Variants in ARK2C observed in about 807,000 individuals in gnomAD.
ARK2C encodes the protein arkadia (RNF111) C-terminal like ring finger ubiquitin ligase 2C, also known as E3 ubiquitin-protein ligase ARK2C.
chr18:46,399,361 C>T, the ARK2C span, among the ~76,000 whole-genome samples: 5 of 152,118 alleles, frequency 3.3e-5, no homozygotes, highest in African/African-American at 9.7e-5. Flanking sequence ...GGTGCTGGCC[C>T]CTTCCCTCCA....
chr18:46,415,387 G>A, the ARK2C span, among the ~76,000 whole-genome samples: 1 of 152,016 alleles, frequency 6.6e-6, no homozygotes, highest in Non-Finnish European at 1.5e-5. Flanking sequence ...ATATTTATAG[G>A]CAGTGGTGGG....
At chr18:46,449,534 C>T in the ARK2C span, among the ~76,000 whole-genome samples, 2 of 152,104 alleles carry the variant, frequency 1.3e-5, no homozygotes, top group African/African-American at 4.8e-5. Context: ...TGTATCCCCA[C>T]CCAAATCTCA....
the ARK2C span, among the ~76,000 whole-genome samples, chr18:46,380,614 C>G: frequency 1.3e-5 from 2 of 152,082 alleles, no homozygotes; most frequent in Non-Finnish European, 2.9e-5. Context: ...CTGAGCTGGT[C>G]GCTGGGAGGC....
chr18:46,437,035 A>G, the ARK2C span, among the ~76,000 whole-genome samples: 1 of 152,180 alleles, frequency 6.6e-6, no homozygotes, highest in Non-Finnish European at 1.5e-5. Context: ...AGCTTTCTTT[A>G]TAGAGCCAAA....
chr18:46,453,447 C>T, the ARK2C span, among the ~76,000 whole-genome samples: 1 of 151,676 alleles, frequency 6.6e-6, no homozygotes, highest in East Asian at 1.9e-4. Context: ...AGAACCAATG[C>T]TAAGAATTAA....
the ARK2C span, among the ~76,000 whole-genome samples, chr18:46,439,526 C>T: frequency 2.6e-5 from 4 of 152,292 alleles, no homozygotes; most frequent in African/African-American, 7.2e-5. Flanking sequence ...GTCCTAATTA[C>T]CAGGGACCAC....
At chr18:46,426,618 C>T in the ARK2C span, among the ~76,000 whole-genome samples, 1 of 152,218 alleles carries the variant, frequency 6.6e-6, no homozygotes, top group Non-Finnish European at 1.5e-5. Flanking sequence ...CTCAGGTGTG[C>T]TCACTGTCCT....
the ARK2C span, chr18:46,457,629 C>G: frequency 2.0e-5 from 3 of 152,676 alleles, no homozygotes; most frequent in Admixed American, 1.3e-4. Context: ...CAATGTGTTC[C>G]TGGGAGCCGA....
chr18:46,409,569 C>T, the ARK2C span, among the ~76,000 whole-genome samples: 4 of 151,744 alleles, frequency 2.6e-5, no homozygotes, highest in Admixed American at 6.6e-5. Flanking sequence ...GGGCTCCTGG[C>T]CACATCTAAC....
At chr18:46,375,102 T>TATCTGC in the ARK2C span, among the ~76,000 whole-genome samples, 1 of 152,174 alleles carries the variant, frequency 6.6e-6, no homozygotes, top group African/African-American at 2.4e-5. Flanking sequence ...AGGCAGGCTT[T>TATCTGC]ATCTGCATCT....
the ARK2C span, chr18:46,447,842 C>CTGTG: frequency 1.1e-6 from 1 of 892,364 alleles, no homozygotes; most frequent in Non-Finnish European, 1.8e-6. Context: ...CCCAGCTCAC[C>CTGTG]TGTGTATCAA....
At chr18:46,396,679 C>G in the ARK2C span, among the ~76,000 whole-genome samples, 7 of 152,220 alleles carry the variant, frequency 4.6e-5, no homozygotes, top group Non-Finnish European at 1.0e-4. Flanking sequence ...ACTTCTCGGC[C>G]TGGCTGTCGG....
chr18:46,354,229 C>G, the ARK2C span, among the ~76,000 whole-genome samples: 1 of 152,212 alleles, frequency 6.6e-6, no homozygotes. Context: ...CAGGGGACAC[C>G]TCTTGAAGGA....
chr18:46,375,066 G>A, the ARK2C span, among the ~76,000 whole-genome samples: 2 of 152,114 alleles, frequency 1.3e-5, no homozygotes, highest in African/African-American at 4.8e-5. Context: ...CGGAGGATTT[G>A]GGGTTTCTCC....
At chr18:46,456,638 G>A in the ARK2C span, 2 of 1,602,302 alleles carry the variant, frequency 1.2e-6, no homozygotes, top group African/African-American at 1.3e-5. Flanking sequence ...GACAGCTGAG[G>A]GAGGAATTAG....
chr18:46,347,461 T>A, the ARK2C span, among the ~76,000 whole-genome samples: 19 of 151,992 alleles, frequency 1.3e-4, no homozygotes, highest in Admixed American at 2.6e-4. Flanking sequence ...GGAAAGAGAG[T>A]CACGTGGAGG....
chr18:46,409,168 C>T, the ARK2C span, among the ~76,000 whole-genome samples: 34 of 152,222 alleles, frequency 2.2e-4, no homozygotes, highest in South Asian at 4.8e-3. Context: ...CCTTCAAGAT[C>T]AGGAAAAGAA....
the ARK2C span, among the ~76,000 whole-genome samples, chr18:46,449,420 C>T: frequency 6.6e-6 from 1 of 152,114 alleles, no homozygotes; most frequent in Non-Finnish European, 1.5e-5. Flanking sequence ...TTTGGTGGCC[C>T]TTTAAATTTT....
chr18:46,399,734 A>T, the ARK2C span, among the ~76,000 whole-genome samples: 4 of 152,118 alleles, frequency 2.6e-5, no homozygotes. Context: ...GCAGAGGAGG[A>T]CAGTGTCCGG....
Sources: gnomAD v4.1 joint callset for allele counts (sites outside exome capture counted in the v4.1 genomes callset) on GRCh38, gnomAD v4.1.1 for gene constraint, MANE v1.5 for transcripts, NCBI Gene and HGNC (gene_info 2026-07-23, HGNC 2026-07-21) for gene names.